Variants in PALM observed in about 807,000 individuals in gnomAD.
PALM encodes paralemmin.
In PALM, 18 loss-of-function variants were observed where a neutral mutation model predicts 30.7. That is an observed-to-expected ratio of 0.59 (90% CI 0.41 to 0.87). The LOEUF (loss-of-function observed/expected upper bound fraction) is 0.87, where lower values mean the gene tolerates loss of function less well. Ranked by LOEUF, PALM falls within the 40% of genes least tolerant of loss-of-function variation. PALM has a pLI of 0.00. For missense variants in PALM, 529 were observed against 555.4 expected, an observed-to-expected ratio of 0.95 and a Z score of 0.48; for synonymous variants, 286 against 242.8, an observed-to-expected ratio of 1.18 and a Z score of -1.66.
intron 5 of PALM, among the ~76,000 whole-genome samples, chr19:732,525 T>C (rs1282201451): frequency 1.3e-5 from 2 of 152,098 alleles, no homozygotes; most frequent in Non-Finnish European, 2.9e-5. Flanking sequence ...TAAAACCCCA[T>C]ATCTACTAAA....
chr19:714,804 A>G (rs2032205010), intron 1 of PALM, among the ~76,000 whole-genome samples: 1 of 151,774 alleles, frequency 6.6e-6, no homozygotes, highest in South Asian at 2.1e-4. Context: ...CCACCACCAC[A>G]CCCTGCTAAT....
At chr19:717,290 C>G (rs2032296382) in intron 1 of PALM, among the ~76,000 whole-genome samples, 1 of 152,098 alleles carries the variant, frequency 6.6e-6, no homozygotes, top group Non-Finnish European at 1.5e-5. Context: ...AAGCCCTGTC[C>G]CCATTAGGCA....
intron 1 of PALM, among the ~76,000 whole-genome samples, chr19:725,859 G>T (rs755741440): frequency 6.6e-6 from 1 of 152,140 alleles, no homozygotes; most frequent in Non-Finnish European, 1.5e-5. Flanking sequence ...TTGATGCCTG[G>T]TGAACTCCTA....
At chr19:741,496 T>C (rs78683986) in intron 8 of PALM, among the ~76,000 whole-genome samples, 1,438 of 15,098 alleles carry the variant, frequency 0.095, 72 homozygotes, top group African/African-American at 0.24. Context: ...TGAGGGGAGC[T>C]GGGCTGCAGG....
chr19:739,845 G>A (rs1316048940), intron 7 of PALM, among the ~76,000 whole-genome samples: 13 of 152,244 alleles, frequency 8.5e-5, no homozygotes, highest in Admixed American at 2.6e-4. Context: ...GCGTGGTGGC[G>A]GGCGCCTGTA....
intron 1 of PALM, among the ~76,000 whole-genome samples, chr19:714,143 G>A (rs2032176815): frequency 6.6e-6 from 1 of 151,678 alleles, no homozygotes; most frequent in South Asian, 2.1e-4. Context: ...CTGACCTTGT[G>A]ATCTACCCTC....
intron 2 of PALM, 25 bp from the exon 3 acceptor site, chr19:726,983 T>TGTG: frequency 8.3e-7 from 1 of 1,198,582 alleles, no homozygotes. Context: ...CGCCCATCCC[T>TGTG]GACCCCACCC....
At chr19:744,349 G>C (rs1368523996) in intron 8 of PALM, among the ~76,000 whole-genome samples, 2 of 150,146 alleles carry the variant, frequency 1.3e-5, no homozygotes, top group East Asian at 3.9e-4. Flanking sequence ...GCAGTGAGCC[G>C]AGATGGCACC....
intron 1 of PALM, among the ~76,000 whole-genome samples, chr19:710,853 C>T (rs2032054506): frequency 6.6e-6 from 1 of 152,216 alleles, no homozygotes; most frequent in East Asian, 1.9e-4. Context: ...TCGAGGACGA[C>T]TCTCTCCCCG....
intron 1 of PALM, among the ~76,000 whole-genome samples, chr19:717,282 G>A (rs1467396517): frequency 6.6e-6 from 1 of 152,010 alleles, no homozygotes; most frequent in Non-Finnish European, 1.5e-5. Context: ...CCCAAAACAA[G>A]CCCTGTCCCC....
At chr19:726,278 T>C in intron 2 of PALM, 89 bp downstream of exon 2, 2 of 1,055,270 alleles carry the variant, frequency 1.9e-6, no homozygotes, top group East Asian at 2.4e-5. Context: ...TCCTAGGACC[T>C]GGAACCAGGG....
At chr19:729,469 T>A (rs1248079722) in intron 4 of PALM, among the ~76,000 whole-genome samples, 3 of 129,166 alleles carry the variant, frequency 2.3e-5, no homozygotes, top group African/African-American at 9.5e-5. Flanking sequence ...TTTTTTTTTT[T>A]TTTTTTTTTT....
At chr19:714,648 G>A (rs1036245073) in intron 1 of PALM, among the ~76,000 whole-genome samples, 3 of 151,558 alleles carry the variant, frequency 2.0e-5, no homozygotes, top group Non-Finnish European at 2.9e-5. Context: ...GTGAGCCACC[G>A]CGCCCAGCCT....
chr19:740,315 G>A, intron 7 of PALM, 37 bp from the exon 8 acceptor site: 1 of 1,523,442 alleles, frequency 6.6e-7, no homozygotes, highest in South Asian at 1.2e-5. Flanking sequence ...TGCGGGGGCG[G>A]GCAGGCCGTG....
In PALM at chr19:746,750, C is replaced by A. The variant is rs368207643; in HGVS notation, c.1100C>A (p.Thr367Asn). 1 of 1,597,286 alleles carries A rather than the reference C, an allele frequency of 6.3e-7. No homozygotes were observed. Among genetic ancestry groups the A allele is most frequent in the Admixed American group, 1.7e-5 (1 of 58,500 alleles). Residue 367 changes from threonine (T) to asparagine (N), a missense_variant, in exon 9 of 9, where the codon ACC (threonine) becomes AAC (asparagine). Transcript: ENST00000338448. This position sits in a 1 kb window ranked among gnomAD's most constrained non-coding sequence, Gnocchi z 7.1. ...REENQAGPEATTSDPQDLDMK... is the reference protein window; with the variant it reads ...REENQAGPEANTSDPQDLDMK... ...GAGAATCAGGCGGGGCCCGAGGCCA[C>A]CACCAGCGACCCCCAGGACCTCGAC...
intron 1 of PALM, chr19:719,350 C>T (rs1461523205): frequency 2.0e-6 from 2 of 985,486 alleles, no homozygotes; most frequent in African/African-American, 1.7e-5. Flanking sequence ...ATGAACTCAT[C>T]TCCTGGAGCA....
intron 8 of PALM, among the ~76,000 whole-genome samples, chr19:740,883 C>A (rs574476555): frequency 1.3e-4 from 20 of 151,644 alleles, no homozygotes; most frequent in African/African-American, 3.9e-4. Flanking sequence ...TTAGTCCCAG[C>A]ACTTTGGGAG....
In PALM at chr19:746,817, C is replaced by G. The variant is rs765436983; in HGVS notation, c.*3C>G. ...GTAAATGCTGCTCCATCATGTGAGC[C>G]GGCCCCCGAGACCCCGGCCCCCACC... On this transcript the variant is annotated 3_prime_UTR_variant, in exon 9 of 9. Transcript: ENST00000338448. The surrounding 1 kb of genome is among the most constrained non-coding windows in gnomAD (Gnocchi z 7.1). The G allele has an allele frequency of 1.3e-6, 2 of 1,511,502 alleles. No individual in the cohort carries two copies. Among genetic ancestry groups the G allele is most frequent in the Non-Finnish European group, 1.8e-6 (2 of 1,132,206 alleles). 93.6% of individuals were successfully genotyped at this position (1,511,502 alleles called of 1,614,324 possible).
At chr19:719,451 GGCCTGTGCGC>G (rs1266653042) in intron 1 of PALM, 18 of 985,292 alleles carry the variant, frequency 1.8e-5, no homozygotes, top group Non-Finnish European at 2.2e-5. Flanking sequence ...GGGGACGGGA[GGCCTGTGCGC>G]GCCGGGGTGG....
Sources: gnomAD v4.1 joint callset for allele counts (sites outside exome capture counted in the v4.1 genomes callset) on GRCh38, gnomAD v4.1.1 for gene constraint, Gnocchi (gnomAD v3.1) non-coding constraint, MANE v1.5 for transcripts, NCBI Gene and HGNC (gene_info 2026-07-23, HGNC 2026-07-21) for gene names.